The following PREX2 variants were observed in gnomAD, a reference collection of about 807,000 sequenced individuals.
PREX2 encodes phosphatidylinositol-3,4,5-trisphosphate dependent Rac exchange factor 2, also known as phosphatidylinositol 3,4,5-trisphosphate-dependent Rac exchanger 2 protein.
A neutral mutation model predicts 203.2 loss-of-function variants in PREX2; 107 were observed. The observed-to-expected ratio is 0.53, with a 90% CI of 0.45 to 0.62. PREX2 has a LOEUF of 0.62. Among genes scored for constraint, PREX2 ranks in the 20% least tolerant of loss-of-function variants. The pLI is 0.00. For synonymous variants in PREX2, 672 were observed against 663.6 expected (o/e 1.01, Z -0.19); for missense variants, 1,777 against 1,955.9 (o/e 0.91, Z 1.72).
At chr8:68,163,672 G>T (rs1029248455) in intron 35 of PREX2, among the ~76,000 whole-genome samples, 1 of 152,146 alleles carries the variant, frequency 6.6e-6, no homozygotes, top group Non-Finnish European at 1.5e-5. Context: ...TTTAAATCAA[G>T]CATTCTAATT....
intron 34 of PREX2, among the ~76,000 whole-genome samples, chr8:68,155,486 A>G (rs910217962): frequency 8.5e-5 from 13 of 152,158 alleles, no homozygotes; most frequent in African/African-American, 2.9e-4. Context: ...AGTTTAATAA[A>G]ACTATAGCAC....
intron 1 of PREX2, 54 bp downstream of exon 1, chr8:67,952,589 C>T: frequency 6.3e-7 from 1 of 1,577,994 alleles, no homozygotes; most frequent in Non-Finnish European, 8.6e-7. Flanking sequence ...GGGCGCGGGT[C>T]CCGGAGTGGC....
At chr8:67,998,211 G>A (rs1806824558) in intron 1 of PREX2, among the ~76,000 whole-genome samples, 1 of 152,188 alleles carries the variant, frequency 6.6e-6, no homozygotes, top group South Asian at 2.1e-4. Context: ...CACTTCAGAA[G>A]TTCTCTTTCT....
intron 8 of PREX2, among the ~76,000 whole-genome samples, chr8:68,047,587 G>A (rs1808406722): frequency 6.7e-6 from 1 of 149,432 alleles, no homozygotes; most frequent in Admixed American, 6.7e-5. Context: ...GGGTGGTGGT[G>A]AGGAGTCTCA....
At chr8:68,223,290 T>C (rs899898216) in intron 38 of PREX2, 6 of 152,168 alleles carry the variant, frequency 3.9e-5, no homozygotes, top group African/African-American at 1.4e-4. Context: ...AAAGTTTTCT[T>C]TGTTTGTTTT....
intron 1 of PREX2, among the ~76,000 whole-genome samples, chr8:67,993,028 A>T (rs1310193030): frequency 6.6e-6 from 1 of 152,212 alleles, no homozygotes; most frequent in African/African-American, 2.4e-5. Flanking sequence ...ACCACTTGAA[A>T]CTATCCTTGG....
intron 31 of PREX2, among the ~76,000 whole-genome samples, chr8:68,128,684 G>A (rs73685223): frequency 0.11 from 17,013 of 152,174 alleles, 1,069 homozygotes; most frequent in African/African-American, 0.14. Flanking sequence ...GAAGACAGTG[G>A]GAATGTCGAA....
At chr8:68,126,652 A>T (rs1222822998) in intron 30 of PREX2, among the ~76,000 whole-genome samples, 1 of 151,818 alleles carries the variant, frequency 6.6e-6, no homozygotes, top group Non-Finnish European at 1.5e-5. Flanking sequence ...TTTTTTTCCC[A>T]TAATCTTGGG....
intron 18 of PREX2, among the ~76,000 whole-genome samples, chr8:68,087,124 C>G (rs553495594): frequency 8.5e-4 from 130 of 152,264 alleles, no homozygotes; most frequent in African/African-American, 3.0e-3. Flanking sequence ...TTAATTGCCA[C>G]AGATACCCTG....
chr8:68,024,232 A>G lies in PREX2; in HGVS notation c.441+2092A>G, dbSNP rs969524102. Among the ~76,000 whole-genome samples the G allele has an allele frequency of 6.6e-5, 10 of 152,160 alleles. No individual in the cohort carries two copies. In the East Asian group the frequency reaches 1.9e-3, roughly 29 times the overall value. ...TGCATTGACAATGCTATGAATTACT[A>G]TTCATATTATTCATATTGTTTAATG... is the stretch of plus-strand genomic sequence containing the variant. On this transcript the variant is annotated intron_variant, in intron 4 of 39. Coordinates refer to ENST00000288368, the MANE Select transcript of PREX2 (RefSeq NM_024870.4).
At chr8:68,216,968 C>CAAAAAAAAAAAAAAA (rs59972334) in intron 37 of PREX2, among the ~76,000 whole-genome samples, 1 of 112,888 alleles carries the variant, frequency 8.9e-6, no homozygotes. Context: ...CTCAAAAAAA[C>CAAAAAAAAAAAAAAA]AAAAAAAAAA....
intron 15 of PREX2, 100 bp from the exon 16 acceptor site, chr8:68,080,343 G>A: frequency 2.9e-6 from 3 of 1,018,214 alleles, no homozygotes; most frequent in Non-Finnish European, 3.0e-6. Flanking sequence ...ATAAAGTTGA[G>A]GTTATGGGTG....
At chr8:68,093,227 C>A (rs954433203) in intron 20 of PREX2, among the ~76,000 whole-genome samples, 8 of 151,630 alleles carry the variant, frequency 5.3e-5, no homozygotes, top group Non-Finnish European at 1.2e-4. Context: ...CCTGTCTTTA[C>A]TAAAAATACA....
At chr8:68,117,287 A>T (rs1810677787) in intron 26 of PREX2, among the ~76,000 whole-genome samples, 1 of 152,244 alleles carries the variant, frequency 6.6e-6, no homozygotes, top group Non-Finnish European at 1.5e-5. Flanking sequence ...CAGAGGGCTG[A>T]TATCATTTAC....
At position 68,118,647 on chromosome 8, in the gene PREX2, G is replaced by A. The variant is rs182556462; in HGVS notation, c.3421+3G>A. 91 of 1,607,338 alleles carry A rather than the reference G, an allele frequency of 5.7e-5. No homozygotes were observed. The Admixed American group carries it at 1.5e-3, about 26-fold the overall frequency. On this transcript the variant is annotated splice_donor_region_variant and intron_variant, in intron 27 of 39. Transcript: ENST00000288368. ...CCACAGTGATGAAATGGACTCAGGT[G>A]TGTTCGTTGGTGAAGGCCTGTGGGC...
At chr8:67,958,697 C>T (rs78970686) in intron 1 of PREX2, among the ~76,000 whole-genome samples, 7,600 of 152,106 alleles carry the variant, frequency 0.05, 424 homozygotes, top group African/African-American at 0.14. Flanking sequence ...ACAAATCAAA[C>T]GCCCAACTAT....
chr8:68,138,607 A>G, intron 33 of PREX2, 90 bp downstream of exon 33: 1 of 562,504 alleles, frequency 1.8e-6, no homozygotes, highest in Non-Finnish European at 3.1e-6. Flanking sequence ...TAAGTATTTT[A>G]TGAACTGAAT....
chr8:68,033,152 G>A (rs1807937518), intron 6 of PREX2, among the ~76,000 whole-genome samples: 1 of 152,032 alleles, frequency 6.6e-6, no homozygotes, highest in Non-Finnish European at 1.5e-5. Context: ...CTAGTATTTT[G>A]TTCTACTAAA....
At chr8:68,224,030 T>C (rs1261615019) in intron 38 of PREX2, among the ~76,000 whole-genome samples, 1 of 152,142 alleles carries the variant, frequency 6.6e-6, no homozygotes, top group African/African-American at 2.4e-5. Context: ...TATTTTTCTT[T>C]TTTTGTGAGA....
Sources: allele counts gnomAD v4.1 joint callset (sites outside exome capture counted in the v4.1 genomes callset), GRCh38; gene constraint gnomAD v4.1.1; transcripts MANE v1.5; gene names NCBI Gene and HGNC (gene_info 2026-07-23, HGNC 2026-07-21).